MYO16: variants seen among roughly 807,000 people sequenced by gnomAD.
MYO16 encodes unconventional myosin-XVI.
A neutral mutation model predicts 205.3 loss-of-function variants in MYO16; 94 were observed. The observed-to-expected ratio is 0.46, with a 90% CI of 0.39 to 0.54. The LOEUF (loss-of-function observed/expected upper bound fraction) is 0.54, where lower values mean the gene tolerates loss of function less well. MYO16 is among the 20% of genes least tolerant of loss of function. MYO16 has a pLI of 0.00. For synonymous variants in MYO16, 988 were observed against 954.0 expected (o/e 1.04, Z -0.66); for missense variants, 2,315 against 2,387.5 (o/e 0.97, Z 0.63).
intron 9 of MYO16, among the ~76,000 whole-genome samples, chr13:108,838,705 A>G (rs925841605): frequency 2.7e-5 from 4 of 148,476 alleles, no homozygotes; most frequent in Admixed American, 2.0e-4. Flanking sequence ...ACACACACAC[A>G]CACACTATAC....
At chr13:108,943,153 C>T (rs577487294) in intron 16 of MYO16, among the ~76,000 whole-genome samples, 1 of 152,296 alleles carries the variant, frequency 6.6e-6, no homozygotes, top group South Asian at 2.1e-4. Flanking sequence ...TGAAACATTT[C>T]TGGAAGTACC....
At chr13:109,054,929 CTCT>C (rs1419469589) in intron 25 of MYO16, 114 bp from the exon 26 acceptor site, 2 of 556,898 alleles carry the variant, frequency 3.6e-6, no homozygotes, top group Non-Finnish European at 6.2e-6. Context: ...TTCCTTCTTT[CTCT>C]TTTTTCCTTT....
At chr13:108,720,267 A>G (rs1417398886) in intron 3 of MYO16, among the ~76,000 whole-genome samples, 1 of 152,234 alleles carries the variant, frequency 6.6e-6, no homozygotes, top group South Asian at 2.1e-4. Flanking sequence ...AGATTCAAGC[A>G]CAGGCTGAAA....
chr13:108,803,615 G>A (rs2138974054), intron 6 of MYO16, among the ~76,000 whole-genome samples: 1 of 152,260 alleles, frequency 6.6e-6, no homozygotes, highest in South Asian at 2.1e-4. Context: ...ACATCACACT[G>A]GATATGTGTG....
intron 4 of MYO16, among the ~76,000 whole-genome samples, chr13:108,774,324 G>C (rs967520121): frequency 6.6e-6 from 1 of 152,188 alleles, no homozygotes; most frequent in African/African-American, 2.4e-5. Flanking sequence ...GTTTCATGTG[G>C]GGAATGATAT....
Position 108,885,280 on chromosome 13 carries a change from C to G in MYO16, c.1553+2094C>G, listed in dbSNP as rs560067806. 8.5e-5 allele frequency among the ~76,000 whole-genome samples: 13 copies of G among 152,304 alleles called. No individual in the cohort carries two copies. In the East Asian group the frequency reaches 2.5e-3, roughly 29 times the overall value. On this transcript the variant is annotated intron_variant, in intron 13 of 34. Coordinates refer to ENST00000457511, the MANE Select transcript of MYO16 (RefSeq NM_001198950.3). ...AATTACAGGCATGTGCCACCACGCC[C>G]GGCTAATTTTGTATTTTTAGTAGAG...
At chr13:108,776,649 T>C (rs905352271) in intron 4 of MYO16, among the ~76,000 whole-genome samples, 1 of 152,150 alleles carries the variant, frequency 6.6e-6, no homozygotes, top group Non-Finnish European at 1.5e-5. Flanking sequence ...TCAGGAAAAC[T>C]GGATATTTTT....
chr13:108,714,364 T>A (rs1399212274), intron 3 of MYO16, among the ~76,000 whole-genome samples: 3 of 152,156 alleles, frequency 2.0e-5, no homozygotes, highest in Non-Finnish European at 4.4e-5. Flanking sequence ...CATAAGCCTG[T>A]TTTTCGGGAG....
intron 20 of MYO16, among the ~76,000 whole-genome samples, chr13:108,983,767 G>T (rs888554137): frequency 2.6e-5 from 4 of 152,146 alleles, no homozygotes; most frequent in African/African-American, 7.2e-5. Flanking sequence ...AGACTGAAGG[G>T]CATGGTGAGG....
At chr13:108,887,187 A>G (rs1232528432) in intron 13 of MYO16, among the ~76,000 whole-genome samples, 2 of 152,218 alleles carry the variant, frequency 1.3e-5, no homozygotes, top group Non-Finnish European at 2.9e-5. Flanking sequence ...TTTGTTTTCT[A>G]ATATTAACTT....
chr13:109,104,129 A>T (rs920214026), intron 28 of MYO16, among the ~76,000 whole-genome samples: 3 of 152,124 alleles, frequency 2.0e-5, no homozygotes, highest in African/African-American at 7.2e-5. Context: ...TTTCAGTGGG[A>T]GTGCCACTTT....
intron 2 of MYO16, among the ~76,000 whole-genome samples, chr13:108,711,631 G>T (rs1883726969): frequency 6.6e-6 from 1 of 152,192 alleles, no homozygotes; most frequent in African/African-American, 2.4e-5. Flanking sequence ...TGCCTTCTGT[G>T]ATATGCAGTG....
At chr13:108,651,474 A>C (rs1594177027) in intron 1 of MYO16, among the ~76,000 whole-genome samples, 1 of 152,234 alleles carries the variant, frequency 6.6e-6, no homozygotes, top group African/African-American at 2.4e-5. Context: ...GGGAAATAGT[A>C]AGTGTCAGAA....
chr13:108,751,673 T>C (rs1435752007), intron 4 of MYO16, among the ~76,000 whole-genome samples: 5 of 151,994 alleles, frequency 3.3e-5, no homozygotes, highest in African/African-American at 4.8e-5. Flanking sequence ...GTCTCAAGAG[T>C]GGCAAGCCAT....
At chr13:108,736,216 G>A (rs1269782215) in intron 4 of MYO16, among the ~76,000 whole-genome samples, 2 of 152,116 alleles carry the variant, frequency 1.3e-5, no homozygotes, top group Non-Finnish European at 2.9e-5. Flanking sequence ...TGAAGTCCTT[G>A]CCCATGCCTA....
chr13:108,788,511 TAC>T (rs1479231471), intron 5 of MYO16, among the ~76,000 whole-genome samples: 1 of 152,218 alleles, frequency 6.6e-6, no homozygotes, highest in African/African-American at 2.4e-5. Context: ...GGATACATTA[TAC>T]ACACACATAC....
chr13:108,535,843 T>C, the MYO16 span, among the ~76,000 whole-genome samples: 1 of 152,200 alleles, frequency 6.6e-6, no homozygotes, highest in Non-Finnish European at 1.5e-5. Context: ...TAAGTACTTT[T>C]CAATATTTTA....
At chr13:109,117,438 G>A (rs8002854) in intron 28 of MYO16, among the ~76,000 whole-genome samples, 1 of 141,316 alleles carries the variant, frequency 7.1e-6, no homozygotes, top group African/African-American at 2.5e-5. Context: ...GTATATATAT[G>A]TATATATATG....
chr13:108,908,897 G>A (rs780316379), intron 15 of MYO16, among the ~76,000 whole-genome samples: 24 of 151,538 alleles, frequency 1.6e-4, no homozygotes, highest in African/African-American at 3.6e-4. Flanking sequence ...CACTTGAACC[G>A]GAGAGGCAGA....
Sources: allele counts gnomAD v4.1 joint callset (sites outside exome capture counted in the v4.1 genomes callset), GRCh38; gene constraint gnomAD v4.1.1; transcripts MANE v1.5; gene names NCBI Gene and HGNC (gene_info 2026-07-23, HGNC 2026-07-21).